HDAC9: variants seen among roughly 807,000 people sequenced by gnomAD.
The protein encoded by HDAC9 is MEF-2 interacting transcription repressor (MITR) protein.
HDAC9 carries 41 observed loss-of-function variants against 139.4 expected under a neutral mutation model. That is an observed-to-expected ratio of 0.29 (90% CI 0.23 to 0.38). HDAC9 has a LOEUF of 0.38. HDAC9 is among the 10% of genes least tolerant of loss of function. The pLI is 1.00. For synonymous variants in HDAC9, 517 were observed against 476.2 expected, an observed-to-expected ratio of 1.09 and a Z score of -1.12; for missense variants, 1,147 against 1,297.0, an observed-to-expected ratio of 0.88 and a Z score of 1.78.
intron 12 of HDAC9, among the ~76,000 whole-genome samples, chr7:18,679,742 G>T (rs1191059212): frequency 6.6e-6 from 1 of 151,698 alleles, no homozygotes; most frequent in Non-Finnish European, 1.5e-5. Flanking sequence ...CCAGTATGAA[G>T]CATAGATAAT....
chr7:18,869,623 C>T (rs1195869817), intron 21 of HDAC9, among the ~76,000 whole-genome samples: 1 of 152,180 alleles, frequency 6.6e-6, no homozygotes, highest in East Asian at 1.9e-4. Context: ...GGGATCTACA[C>T]TATCTCCAGG....
intron 16 of HDAC9, among the ~76,000 whole-genome samples, chr7:18,784,955 G>C (rs1264525312): frequency 2.6e-5 from 4 of 151,518 alleles, no homozygotes; most frequent in African/African-American, 9.7e-5. Flanking sequence ...GTGTGTGTGT[G>C]TGTGTGTGTG....
At chr7:18,671,140 G>T (rs958101930) in intron 12 of HDAC9, among the ~76,000 whole-genome samples, 1 of 151,882 alleles carries the variant, frequency 6.6e-6, no homozygotes, top group Non-Finnish European at 1.5e-5. Flanking sequence ...TCAGGACGCT[G>T]CCTTTTACAG....
At chr7:18,820,009 G>A (rs1379747531) in intron 17 of HDAC9, among the ~76,000 whole-genome samples, 1 of 152,030 alleles carries the variant, frequency 6.6e-6, no homozygotes, top group Non-Finnish European at 1.5e-5. Flanking sequence ...GCATTTGTGG[G>A]TTTTACTACA....
chr7:18,531,044 A>C (rs1310163801), intron 2 of HDAC9, among the ~76,000 whole-genome samples: 6 of 152,038 alleles, frequency 3.9e-5, no homozygotes. Context: ...TCTTTAAATA[A>C]TATTCTTGCT....
rs374460319 is a variant in HDAC9, at chr7:18,132,530, T to A, written c.-96-29699T>A. ...CTCAAATGATCTTCCTGCCTCAGCC[T>A]CCTGAGTAGCTGAAACCGCAGGCAC... On this transcript the variant is annotated intron_variant, in intron 1 of 12. Transcript: ENST00000417496. Among the ~76,000 whole-genome samples, 24 of 152,264 alleles carry A rather than the reference T, an allele frequency of 1.6e-4. No homozygotes were observed. In the South Asian group the frequency reaches 2.3e-3, roughly 14 times the overall value.
intron 17 of HDAC9, among the ~76,000 whole-genome samples, chr7:18,809,212 C>T (rs934009858): frequency 1.3e-5 from 2 of 151,982 alleles, no homozygotes; most frequent in African/African-American, 4.8e-5. Context: ...AAATCCTAAA[C>T]ATAAGACATG....
intron 1 of HDAC9, among the ~76,000 whole-genome samples, chr7:18,332,390 T>A (rs1049438694): frequency 5.8e-5 from 7 of 120,246 alleles, no homozygotes; most frequent in African/African-American, 1.9e-4. Context: ...TGTGTGTGTG[T>A]GTGAGAGAGA....
At chr7:18,785,606 T>C (rs1043248742) in intron 16 of HDAC9, among the ~76,000 whole-genome samples, 1 of 152,202 alleles carries the variant, frequency 6.6e-6, no homozygotes, top group African/African-American at 2.4e-5. Context: ...AGGGTAGGGT[T>C]TCAATACCGT....
intron 24 of HDAC9, among the ~76,000 whole-genome samples, chr7:18,967,053 C>A (rs968446215): frequency 6.6e-6 from 1 of 152,140 alleles, no homozygotes. Flanking sequence ...TGTCGATATT[C>A]ATTATTCATC....
intron 22 of HDAC9, among the ~76,000 whole-genome samples, chr7:18,883,265 T>C (rs1799865773): frequency 6.6e-6 from 1 of 152,040 alleles, no homozygotes; most frequent in South Asian, 2.1e-4. Context: ...TGAAACACAC[T>C]TGAGAGTCAG....
intron 17 of HDAC9, among the ~76,000 whole-genome samples, chr7:18,809,311 G>A (rs938150531): frequency 2.0e-5 from 3 of 151,870 alleles, no homozygotes; most frequent in Non-Finnish European, 4.4e-5. Context: ...AAAAAGCACA[G>A]GCAACAAAAG....
Position 18,634,718 on chromosome 7 carries a change from T to A in HDAC9, c.888T>A (p.Val296=). 1 of 1,596,082 alleles carries A rather than the reference T, an allele frequency of 6.3e-7. No homozygotes were observed. Among genetic ancestry groups the A allele is most frequent in the Non-Finnish European group, 8.5e-7 (1 of 1,170,152 alleles). ...TGSVTENETS[V]LPPTPHAEQM... ...GTGTTACTGAAAATGAGACTTCGGT[T>A]TTGCCCCCTACCCCTCATGCCGAGG... is the stretch of plus-strand genomic sequence containing the variant. The change falls in exon 8 of 26, where the codon GTT becomes GTA. Residue 296 remains valine (V), a synonymous_variant. Transcript: ENST00000686413.
intron 13 of HDAC9, among the ~76,000 whole-genome samples, chr7:18,738,224 C>G (rs536732919): frequency 1.3e-5 from 2 of 152,110 alleles, no homozygotes; most frequent in East Asian, 1.9e-4. Context: ...ATTTGCCAGT[C>G]TGTGTCTTTT....
At chr7:18,745,005 G>A (rs1787810958) in intron 13 of HDAC9, among the ~76,000 whole-genome samples, 1 of 152,146 alleles carries the variant, frequency 6.6e-6, no homozygotes, top group Non-Finnish European at 1.5e-5. Flanking sequence ...CTGATCAGGA[G>A]AAAAATTAAT....
At chr7:18,632,238 A>G (rs2128984039) in intron 7 of HDAC9, among the ~76,000 whole-genome samples, 1 of 152,178 alleles carries the variant, frequency 6.6e-6, no homozygotes, top group South Asian at 2.1e-4. Flanking sequence ...AACCAGATAT[A>G]TAGACAGAAA....
At chr7:18,630,707 A>G (rs1288681799) in intron 7 of HDAC9, among the ~76,000 whole-genome samples, 1 of 152,112 alleles carries the variant, frequency 6.6e-6, no homozygotes, top group Non-Finnish European at 1.5e-5. Flanking sequence ...TATAATCACT[A>G]ATTTAGACGA....
chr7:18,289,632 G>T (rs1471277144), upstream of HDAC9, among the ~76,000 whole-genome samples: 1 of 152,110 alleles, frequency 6.6e-6, no homozygotes, highest in East Asian at 1.9e-4. Context: ...ACTTCAAAGT[G>T]AGTACTCCAG....
chr7:18,823,863 C>A (rs559608326), intron 17 of HDAC9, among the ~76,000 whole-genome samples: 5 of 151,804 alleles, frequency 3.3e-5, no homozygotes, highest in Non-Finnish European at 7.4e-5. Flanking sequence ...CCTGTAGCCC[C>A]AGCTGCTCTG....
Sources: allele counts gnomAD v4.1 joint callset (sites outside exome capture counted in the v4.1 genomes callset), GRCh38; gene constraint gnomAD v4.1.1; transcripts MANE v1.5; gene names NCBI Gene and HGNC (gene_info 2026-07-23, HGNC 2026-07-21).